The following SOX5 variants were observed in gnomAD, a reference collection of about 807,000 sequenced individuals.
SOX5 encodes the protein SRY-box transcription factor 5.
In SOX5, 9 loss-of-function variants were observed where a neutral mutation model predicts 92.0. The ratio of observed to expected loss-of-function variants is 0.10; its 90% CI spans 0.06 to 0.17. The LOEUF (loss-of-function observed/expected upper bound fraction) is 0.17. Ranked by LOEUF, SOX5 falls within the 10% of genes least tolerant of loss-of-function variation. The pLI is 1.00. For missense variants in SOX5, 642 were observed against 944.5 expected (o/e 0.68, Z 4.20); for synonymous variants, 344 against 336.3 (o/e 1.02, Z -0.25).
intron 2 of SOX5, among the ~76,000 whole-genome samples, chr12:24,289,372 T>C (rs1043653892): frequency 1.3e-5 from 2 of 152,092 alleles, no homozygotes; most frequent in African/African-American, 4.8e-5. Context: ...CCATTCTTTC[T>C]GAATCTCTTG....
intron 3 of SOX5, among the ~76,000 whole-genome samples, chr12:23,826,902 C>A (rs2096243822): frequency 1.3e-5 from 2 of 152,202 alleles, no homozygotes; most frequent in African/African-American, 4.8e-5. Flanking sequence ...TTCCGTGAAA[C>A]AGTGAATCAA....
intron 2 of SOX5, among the ~76,000 whole-genome samples, chr12:24,287,085 T>G (rs10842314): frequency 0.58 from 88,289 of 152,034 alleles, 29,107 homozygotes; most frequent in East Asian, 0.84. Context: ...GTCCCCGAAG[T>G]TCAGGTGGAT....
intron 3 of SOX5, among the ~76,000 whole-genome samples, chr12:24,239,976 C>T (rs1965257900): frequency 6.6e-6 from 1 of 152,052 alleles, no homozygotes; most frequent in African/African-American, 2.4e-5. Flanking sequence ...AGATACAAGG[C>T]TTTATGCTAA....
chr12:23,993,941 T>C (rs12818271), intron 4 of SOX5, among the ~76,000 whole-genome samples: 2 of 151,372 alleles, frequency 1.3e-5, no homozygotes, highest in Non-Finnish European at 2.9e-5. Context: ...GTGTGTATGT[T>C]TGTATGTATA....
intron 6 of SOX5, among the ~76,000 whole-genome samples, chr12:23,671,474 C>T (rs942720845): frequency 1.3e-5 from 2 of 151,978 alleles, no homozygotes; most frequent in African/African-American, 4.8e-5. Flanking sequence ...AATAAAATAT[C>T]CAAATGAGAT....
chr12:23,539,017 G>A (rs1274779176), intron 13 of SOX5, among the ~76,000 whole-genome samples: 1 of 151,730 alleles, frequency 6.6e-6, no homozygotes, highest in Non-Finnish European at 1.5e-5. Context: ...GTGTTAGCCA[G>A]GATGGTGTCA....
chr12:24,348,430 T>C (rs1205050070), intron 2 of SOX5, among the ~76,000 whole-genome samples: 1 of 151,854 alleles, frequency 6.6e-6, no homozygotes, highest in Non-Finnish European at 1.5e-5. Context: ...TTGCCCAGGC[T>C]GGAGAGCAGT....
chr12:24,126,186 A>T (rs1949085812), intron 4 of SOX5, among the ~76,000 whole-genome samples: 1 of 152,114 alleles, frequency 6.6e-6, no homozygotes, highest in Non-Finnish European at 1.5e-5. Flanking sequence ...CTGTATAATC[A>T]TATCCACTCC....
intron 1 of SOX5, among the ~76,000 whole-genome samples, chr12:24,464,434 G>A (rs943499083): frequency 8.6e-5 from 13 of 151,722 alleles, no homozygotes; most frequent in African/African-American, 2.9e-4. Context: ...GCCGCCTCCC[G>A]GGTTCACGCT....
intron 2 of SOX5, among the ~76,000 whole-genome samples, chr12:24,281,295 T>C (rs1489855599): frequency 6.6e-6 from 1 of 151,784 alleles, no homozygotes; most frequent in Admixed American, 6.6e-5. Flanking sequence ...CAGAGTCATT[T>C]ATCCCCTATT....
At chr12:23,993,912 T>C (rs1966010) in intron 4 of SOX5, among the ~76,000 whole-genome samples, 64,186 of 148,330 alleles carry the variant, frequency 0.43, 13,771 homozygotes, top group East Asian at 0.6. Context: ...TGTATGTATG[T>C]ATGCATGTAT....
At chr12:24,389,821 C>T (rs1288309956) in intron 1 of SOX5, among the ~76,000 whole-genome samples, 1 of 152,100 alleles carries the variant, frequency 6.6e-6, no homozygotes, top group African/African-American at 2.4e-5. Flanking sequence ...AAACAGCTGC[C>T]CATTTTACAT....
chr12:24,396,924 A>G (rs1960174825), intron 1 of SOX5, among the ~76,000 whole-genome samples: 1 of 152,252 alleles, frequency 6.6e-6, no homozygotes, highest in Non-Finnish European at 1.5e-5. Flanking sequence ...TGGTTAAAAC[A>G]CAAGTTGAGG....
At chr12:23,801,494 A>G (rs1424393811) in intron 3 of SOX5, among the ~76,000 whole-genome samples, 11 of 152,158 alleles carry the variant, frequency 7.2e-5, no homozygotes, top group Non-Finnish European at 1.0e-4. Context: ...AGTGAGCCCA[A>G]ATTTCCATCT....
intron 4 of SOX5, among the ~76,000 whole-genome samples, chr12:23,962,023 T>A (rs1320000705): frequency 6.6e-6 from 1 of 152,220 alleles, no homozygotes; most frequent in African/African-American, 2.4e-5. Context: ...GAAAAAGTGA[T>A]AAGTTACATT....
chr12:24,243,862 A>G (rs1938010734), intron 3 of SOX5, among the ~76,000 whole-genome samples: 1 of 152,136 alleles, frequency 6.6e-6, no homozygotes, highest in African/African-American at 2.4e-5. Flanking sequence ...CCTGAATAGA[A>G]ATATTCTTAA....
chr12:23,918,524 T>A (rs998436356), intron 1 of SOX5, among the ~76,000 whole-genome samples: 24 of 152,232 alleles, frequency 1.6e-4, no homozygotes, highest in Non-Finnish European at 2.8e-4. Flanking sequence ...GTTCTTTATT[T>A]GTTGATTATT....
chr12:24,059,731 G>C (rs1460924939), intron 4 of SOX5, among the ~76,000 whole-genome samples: 1 of 152,170 alleles, frequency 6.6e-6, no homozygotes, highest in Admixed American at 6.5e-5. Context: ...TCCTCTGCCA[G>C]TTCCTGGTGG....
chr12:23,655,305 G>T (rs1019980119), intron 7 of SOX5, among the ~76,000 whole-genome samples: 1 of 151,926 alleles, frequency 6.6e-6, no homozygotes, highest in Non-Finnish European at 1.5e-5. Flanking sequence ...ATCATTTAAG[G>T]TATTGCACAA....
Sources: gnomAD v4.1 joint callset for allele counts (sites outside exome capture counted in the v4.1 genomes callset) on GRCh38, gnomAD v4.1.1 for gene constraint, MANE v1.5 for transcripts, NCBI Gene and HGNC (gene_info 2026-07-23, HGNC 2026-07-21) for gene names.